Variants in PCDHA11 observed in about 807,000 individuals in gnomAD.
PCDHA11 encodes protocadherin alpha-11.
A neutral mutation model predicts 70.3 loss-of-function variants in PCDHA11; 61 were observed. The observed-to-expected ratio is 0.87, with a 90% CI of 0.71 to 1.07. PCDHA11 has a LOEUF of 1.07. Among genes scored for constraint, PCDHA11 ranks in the 50% least tolerant of loss-of-function variants. PCDHA11 has a pLI of 0.00. For synonymous variants in PCDHA11, 633 were observed against 555.1 expected (o/e 1.14, Z -1.97); for missense variants, 1,324 against 1,237.5 (o/e 1.07, Z -1.05).
chr5:140,904,857 T>G (rs1223482596), intron 1 of PCDHA11, among the ~76,000 whole-genome samples: 1 of 152,190 alleles, frequency 6.6e-6, no homozygotes, highest in Non-Finnish European at 1.5e-5. Context: ...CTGAGAATTG[T>G]CTGTTTATGT....
intron 1 of PCDHA11, among the ~76,000 whole-genome samples, chr5:140,903,723 A>G (rs1361598477): frequency 6.6e-6 from 1 of 152,210 alleles, no homozygotes; most frequent in Non-Finnish European, 1.5e-5. Flanking sequence ...AATTCTCCCT[A>G]TTATCAATTA....
chr5:140,976,897 T>C (rs2096736712), intron 1 of PCDHA11, among the ~76,000 whole-genome samples: 1 of 152,220 alleles, frequency 6.6e-6, no homozygotes, highest in Admixed American at 6.5e-5. Flanking sequence ...CATGCAACAG[T>C]ATGTAATAAA....
intron 3 of PCDHA11, among the ~76,000 whole-genome samples, chr5:140,983,533 G>A (rs1195364351): frequency 6.6e-6 from 1 of 152,208 alleles, no homozygotes; most frequent in Non-Finnish European, 1.5e-5. Flanking sequence ...TACATTGTAT[G>A]TGTGGTCTCA....
chr5:140,895,914 A>G (rs570826611), intron 1 of PCDHA11, among the ~76,000 whole-genome samples: 43 of 152,162 alleles, frequency 2.8e-4, no homozygotes, highest in Non-Finnish European at 1.3e-4. Flanking sequence ...CGGGCTCAAC[A>G]ATTATCCTGC....
At chr5:140,883,758 G>T in intron 1 of PCDHA11, 1 of 1,612,920 alleles carries the variant, frequency 6.2e-7, no homozygotes, top group Non-Finnish European at 8.5e-7. Flanking sequence ...CTGGTGGAGC[G>T]GCGGGTGGGC....
chr5:140,978,061 A>G (rs1307101965), intron 1 of PCDHA11, among the ~76,000 whole-genome samples: 1 of 152,202 alleles, frequency 6.6e-6, no homozygotes, highest in Non-Finnish European at 1.5e-5. Flanking sequence ...ATGATGTCCC[A>G]GTGATTTCTG....
At chr5:140,946,374 CGGTT>C (rs1308149019) in intron 1 of PCDHA11, among the ~76,000 whole-genome samples, 6 of 151,656 alleles carry the variant, frequency 4.0e-5, no homozygotes, top group Non-Finnish European at 5.9e-5. Flanking sequence ...CTCTTGCACA[CGGTT>C]GGTAGGAATG....
intron 1 of PCDHA11, among the ~76,000 whole-genome samples, chr5:140,947,310 A>G (rs1554218156): frequency 6.6e-6 from 1 of 151,620 alleles, no homozygotes; most frequent in Admixed American, 6.6e-5. Flanking sequence ...ATCTTTGTAA[A>G]AAGTCGGTTG....
rs781845787 is a variant in PCDHA11, at chr5:140,884,003, G to C, written c.2391+12509G>C. 7.4e-6 allele frequency: 12 copies of C among 1,613,086 alleles called. No homozygotes were observed. In the South Asian group the frequency reaches 1.3e-4, roughly 18 times the overall value. ...TGGCAGCGCGGGAGGCACAGTGAGC[G>C]AGCTGATGCCGCGGTCGGTGGGTGC... On this transcript the variant is annotated intron_variant, in intron 1 of 3. Transcript: ENST00000398640.
At chr5:140,872,306 G>A (rs897321353) in intron 1 of PCDHA11, among the ~76,000 whole-genome samples, 4 of 151,928 alleles carry the variant, frequency 2.6e-5, no homozygotes, top group African/African-American at 9.7e-5. Context: ...CTTATATGCT[G>A]CTTTATGGAA....
intron 1 of PCDHA11, among the ~76,000 whole-genome samples, chr5:140,974,566 C>T (rs2096631979): frequency 6.6e-6 from 1 of 152,138 alleles, no homozygotes; most frequent in African/African-American, 2.4e-5. Context: ...GGCTGGAGTG[C>T]AATGGCATGA....
intron 1 of PCDHA11, chr5:140,928,720 A>G (rs2085475122): frequency 6.2e-7 from 1 of 1,614,076 alleles, no homozygotes. Flanking sequence ...TAGTCTCTTT[A>G]GAATTTCAGC....
chr5:140,917,483 G>C (rs1237773555), intron 1 of PCDHA11, among the ~76,000 whole-genome samples: 1 of 152,152 alleles, frequency 6.6e-6, no homozygotes, highest in Non-Finnish European at 1.5e-5. Flanking sequence ...CTTTGCCAGG[G>C]CCTATGCCCA....
intron 1 of PCDHA11, among the ~76,000 whole-genome samples, chr5:140,941,191 T>TTTTTTTCTTTCTTTCTTTC (rs1554213809): frequency 2.1e-5 from 2 of 93,258 alleles, no homozygotes; most frequent in Admixed American, 1.2e-4. Context: ...GCTTCTTTTT[T>TTTTTTTCTTTCTTTCTTTC]TTTCTTTCTT....
At chr5:140,887,348 G>C (rs997332881) in intron 1 of PCDHA11, among the ~76,000 whole-genome samples, 1 of 151,978 alleles carries the variant, frequency 6.6e-6, no homozygotes, top group Non-Finnish European at 1.5e-5. Flanking sequence ...CACCTGGCTC[G>C]GCCTCCCAAA....
chr5:140,891,694 T>A (rs1302084074), intron 1 of PCDHA11, among the ~76,000 whole-genome samples: 1 of 152,236 alleles, frequency 6.6e-6, no homozygotes, highest in East Asian at 1.9e-4. Flanking sequence ...TTCTTGCTGT[T>A]GTCTGAATTT....
chr5:140,875,271 C>T, intron 1 of PCDHA11: 1 of 1,256,488 alleles, frequency 8.0e-7, no homozygotes, highest in Non-Finnish European at 1.1e-6. Flanking sequence ...GCTCTACACT[C>T]AGAAGGTGAA....
In PCDHA11 at chr5:141,011,003, C is replaced by T. The variant is rs748731648; in HGVS notation, c.*1066C>T. ...ATTGCCTGAAACATCTGTATTATAT[C>T]GGCCACCTGCCAATCACAGCTTTAC... On this transcript the variant is annotated 3_prime_UTR_variant, in exon 4 of 4. Coordinates refer to ENST00000398640, the MANE Select transcript of PCDHA11 (RefSeq NM_018902.5). 1 of 153,706 alleles carries T rather than the reference C, an allele frequency of 6.5e-6. No individual in the cohort carries two copies. The highest frequency in any genetic ancestry group is 2.1e-4 in the South Asian group (1 of 4,816). 9.5% of individuals were successfully genotyped at this position (153,706 alleles called of 1,614,324 possible).
At position 140,869,209 on chromosome 5, in the gene PCDHA11, T is replaced by C. The variant is rs782345986; in HGVS notation, c.106T>C (p.Ser36Pro). The change falls in exon 1 of 4, where the codon TCG becomes CCG. Residue 36 changes from serine to proline, a missense_variant. Coordinates refer to ENST00000398640, the MANE Select transcript of PCDHA11 (RefSeq NM_018902.5). ...VGSGQLHYSV[S>P]EEAKHGTFVG... ...GAGCGGCCAGCTCCACTACTCCGTC[T>C]CGGAGGAGGCCAAACACGGCACCTT... 2 of 1,613,950 alleles carry C rather than the reference T, an allele frequency of 1.2e-6. No homozygotes were observed. Among genetic ancestry groups the C allele is most frequent in the South Asian group, 2.2e-5 (2 of 91,066 alleles).
Sources: gnomAD v4.1 joint callset for allele counts (sites outside exome capture counted in the v4.1 genomes callset) on GRCh38, gnomAD v4.1.1 for gene constraint, MANE v1.5 for transcripts, NCBI Gene and HGNC (gene_info 2026-07-23, HGNC 2026-07-21) for gene names.